The following PRDM16 variants were observed in gnomAD, a reference collection of about 807,000 sequenced individuals.
PRDM16 encodes the protein histone-lysine N-methyltransferase PRDM16.
A neutral mutation model predicts 110.6 loss-of-function variants in PRDM16; 23 were observed. The observed-to-expected ratio is 0.21, with a 90% CI of 0.15 to 0.29. The LOEUF is 0.29. Among genes scored for constraint, PRDM16 ranks in the 10% least tolerant of loss-of-function variants. The pLI is 1.00. For synonymous variants in PRDM16, 799 were observed against 781.8 expected, an observed-to-expected ratio of 1.02 and a Z score of -0.37; for missense variants, 1,615 against 1,794.3, an observed-to-expected ratio of 0.90 and a Z score of 1.81.
chr1:3,287,372 C>T (rs1163620091), intron 3 of PRDM16, among the ~76,000 whole-genome samples: 4 of 96,356 alleles, frequency 4.2e-5, no homozygotes, highest in Non-Finnish European at 2.2e-5. Context: ...CGCCCCGCCA[C>T]GCGGGCATCC....
intron 4 of PRDM16, among the ~76,000 whole-genome samples, chr1:3,393,807 A>G (rs898916513): frequency 2.0e-5 from 3 of 151,868 alleles, no homozygotes; most frequent in African/African-American, 7.2e-5. Flanking sequence ...ATTCCCGTTC[A>G]CCTCTGACCC....
chr1:3,260,707 G>GTGATGATGATGGTGA (rs1557564053), intron 3 of PRDM16, among the ~76,000 whole-genome samples: 1 of 145,180 alleles, frequency 6.9e-6, no homozygotes, highest in African/African-American at 2.5e-5. Context: ...GATGGTGATG[G>GTGATGATGATGGTGA]TGGTGGGGTG....
rs929368087 is a variant in PRDM16, at chr1:3,080,961, G to C, written c.37+11665G>C. Among the ~76,000 whole-genome samples, 2 of 151,628 alleles carry C rather than the reference G, an allele frequency of 1.3e-5. No individual in the cohort carries two copies. Among genetic ancestry groups the C allele is most frequent in the Non-Finnish European group, 2.9e-5 (2 of 67,866 alleles). ...GTGTGTAGAGGGGGTGGCGGGGCGG[G>C]GGGGGTCTGCACATTCCGCCGAGTG... On this transcript the variant is annotated intron_variant, in intron 1 of 16. Coordinates refer to ENST00000270722, the MANE Select transcript of PRDM16 (RefSeq NM_022114.4). The surrounding 1 kb of genome is among the most constrained non-coding windows in gnomAD (Gnocchi z 5.2).
In PRDM16 at chr1:3,275,670, C is replaced by T. The variant is rs528106637; in HGVS notation, c.438+31533C>T. Among the ~76,000 whole-genome samples, 66 of 152,298 alleles carry T rather than the reference C, an allele frequency of 4.3e-4. 1 individual carries two copies. Among genetic ancestry groups the T allele is most frequent in the African/African-American group, 1.3e-3 (53 of 41,574 alleles). On this transcript the variant is annotated intron_variant, in intron 3 of 16. Transcript: ENST00000270722. ...CTCCAGTTCCCTCAAGAACTCCATCCGGTCCCCTCCAGGAGAGACCGGGCA... is the reference window on the plus strand; with the variant it reads ...CTCCAGTTCCCTCAAGAACTCCATCTGGTCCCCTCCAGGAGAGACCGGGCA...
intron 3 of PRDM16, among the ~76,000 whole-genome samples, chr1:3,333,038 A>C (rs574868330): frequency 6.6e-6 from 1 of 152,318 alleles, no homozygotes; most frequent in Admixed American, 6.5e-5. Flanking sequence ...CAGTGCTGCT[A>C]TGAACATGAG....
rs12563458 is a variant in PRDM16 at position 3,071,259 on chromosome 1, C to T, written c.37+1963C>T. Among the ~76,000 whole-genome samples, 1,970 of 152,376 alleles carry T rather than the reference C, an allele frequency of 0.013. 105 individuals carry two copies. In the East Asian group the frequency reaches 0.18, roughly 14 times the overall value. On this transcript the variant is annotated intron_variant, in intron 1 of 16. Transcript: ENST00000270722. Reference sequence around the variant, plus strand: ...CTTCCGAGAGGCCCCAGCTCTCCGCCGGCTCCACCTCTGCCAGGTGGGGAA... The same window carrying T: ...CTTCCGAGAGGCCCCAGCTCTCCGCTGGCTCCACCTCTGCCAGGTGGGGAA...
chr1:3,187,242 G>A (rs150968004), intron 2 of PRDM16, among the ~76,000 whole-genome samples: 7 of 152,326 alleles, frequency 4.6e-5, no homozygotes, highest in African/African-American at 1.4e-4. Flanking sequence ...GCACTTCCTG[G>A]TGGGCCCTGG....
At chr1:3,300,520 G>A (rs375486529) in intron 3 of PRDM16, among the ~76,000 whole-genome samples, 7 of 152,116 alleles carry the variant, frequency 4.6e-5, no homozygotes, top group East Asian at 3.9e-4. Context: ...TGCTGTGGCC[G>A]TGATGTTTCC....
At chr1:3,275,025 G>A (rs964436646) in intron 3 of PRDM16, among the ~76,000 whole-genome samples, 1 of 152,218 alleles carries the variant, frequency 6.6e-6, no homozygotes, top group Non-Finnish European at 1.5e-5. Flanking sequence ...GTTGGACTCT[G>A]AGCATCCCCC....
intron 3 of PRDM16, among the ~76,000 whole-genome samples, chr1:3,320,610 C>T (rs6687835): frequency 0.35 from 53,418 of 152,138 alleles, 9,599 homozygotes; most frequent in East Asian, 0.54. Flanking sequence ...GAGGAATCAA[C>T]AATGTGGACC....
intron 1 of PRDM16, among the ~76,000 whole-genome samples, chr1:3,074,202 C>T (rs770757849): frequency 2.1e-4 from 32 of 152,184 alleles, no homozygotes; most frequent in Non-Finnish European, 3.7e-4. Flanking sequence ...CCTTCACTGA[C>T]CCTGGGAAGA....
At chr1:3,191,308 T>C (rs1271135913) in intron 2 of PRDM16, among the ~76,000 whole-genome samples, 1 of 152,160 alleles carries the variant, frequency 6.6e-6, no homozygotes, top group East Asian at 1.9e-4. Flanking sequence ...ATGCACTGTA[T>C]CTGGGCCAGG....
chr1:3,270,382 G>GTC (rs1176486987), intron 3 of PRDM16, among the ~76,000 whole-genome samples: 1 of 143,898 alleles, frequency 6.9e-6, no homozygotes, highest in Non-Finnish European at 1.5e-5. Flanking sequence ...GAGGAGGACA[G>GTC]CCAGGAGGAG....
At chr1:3,267,167 C>T (rs1569957533) in intron 3 of PRDM16, among the ~76,000 whole-genome samples, 1 of 152,168 alleles carries the variant, frequency 6.6e-6, no homozygotes, top group East Asian at 1.9e-4. Flanking sequence ...CGTGAGCAGC[C>T]ACGCCCATCC....
chr1:3,173,662 C>T (rs992337280), intron 1 of PRDM16, among the ~76,000 whole-genome samples: 1 of 152,248 alleles, frequency 6.6e-6, no homozygotes, highest in Admixed American at 6.5e-5. Context: ...GCGTGGGCTG[C>T]GCAGAGGCTG....
intron 3 of PRDM16, among the ~76,000 whole-genome samples, chr1:3,376,034 T>C (rs973801741): frequency 6.6e-6 from 1 of 151,892 alleles, no homozygotes; most frequent in Admixed American, 6.6e-5. Flanking sequence ...GGGGTCCAGG[T>C]GCTTTGGGGG....
intron 3 of PRDM16, among the ~76,000 whole-genome samples, chr1:3,376,298 T>C (rs1351854841): frequency 6.6e-6 from 1 of 152,174 alleles, no homozygotes; most frequent in African/African-American, 2.4e-5. Flanking sequence ...GGTGACTCTT[T>C]TTCTAGCGCG....
At position 3,251,621 on chromosome 1, in the gene PRDM16, G is replaced by A. The variant is rs191032410; in HGVS notation, c.438+7484G>A. Among the ~76,000 whole-genome samples, 489 of 152,254 alleles carry A rather than the reference G, an allele frequency of 3.2e-3. 16 individuals carry two copies. The highest frequency in any genetic ancestry group is 0.026 in the Admixed American group (399 of 15,298). Reference sequence around the variant, plus strand: ...CACAACCGAACCGACGCCACAGGGTGCCCAGGGCAGCCCCTCCGTTGTGGC... The same window carrying A: ...CACAACCGAACCGACGCCACAGGGTACCCAGGGCAGCCCCTCCGTTGTGGC... On this transcript the variant is annotated intron_variant, in intron 3 of 16. Transcript: ENST00000270722.
intron 1 of PRDM16, among the ~76,000 whole-genome samples, chr1:3,135,292 C>T (rs942136505): frequency 2.0e-5 from 3 of 152,218 alleles, no homozygotes; most frequent in African/African-American, 7.2e-5. Context: ...TCAGGGAGGT[C>T]TGCGGTGGGG....
Sources: allele counts gnomAD v4.1 joint callset (sites outside exome capture counted in the v4.1 genomes callset), GRCh38; gene constraint gnomAD v4.1.1; non-coding constraint Gnocchi (gnomAD v3.1); transcripts MANE v1.5; gene names NCBI Gene and HGNC (gene_info 2026-07-23, HGNC 2026-07-21).